Variants in PHF8 observed in about 807,000 individuals in gnomAD.
The protein encoded by PHF8 is histone lysine demethylase PHF8.
PHF8 carries 9 observed loss-of-function variants against 74.4 expected under a neutral mutation model. That is an observed-to-expected ratio of 0.12 (90% CI 0.07 to 0.21). The LOEUF (loss-of-function observed/expected upper bound fraction) is 0.21. Among genes scored for constraint, PHF8 ranks in the 10% least tolerant of loss-of-function variants. The probability of loss-of-function intolerance (pLI) is 1.00; values close to 1 mark genes in which losing one functional copy is unlikely to be tolerated. For missense variants in PHF8, 478 were observed against 816.6 expected, an observed-to-expected ratio of 0.59 and a Z score of 5.05; for synonymous variants, 311 against 316.6, an observed-to-expected ratio of 0.98 and a Z score of 0.19.
chrX:54,031,546 T>C (rs868909296), intron 2 of PHF8, among the ~76,000 whole-genome samples: 1 of 106,858 alleles, frequency 9.4e-6, no homozygotes, highest in Non-Finnish European at 1.9e-5. Context: ...AATAACTTCA[T>C]ATGCACTGAC....
chrX:54,038,312 T>C (rs1221715646), intron 2 of PHF8, among the ~76,000 whole-genome samples: 1 of 112,468 alleles, frequency 8.9e-6, no homozygotes, highest in Non-Finnish European at 1.9e-5. Context: ...AGAATGTTCA[T>C]TCCAATTTTT....
intron 20 of PHF8, chrX:53,943,437 G>C: frequency 9.5e-7 from 1 of 1,056,052 alleles, no homozygotes; most frequent in Non-Finnish European, 1.2e-6. Context: ...TGTTGAACAG[G>C]GCTATTGGGC....
chrX:53,993,108 A>T, intron 13 of PHF8: 1 of 372,851 alleles, frequency 2.7e-6, no homozygotes, highest in East Asian at 4.9e-5. Flanking sequence ...AGAGAATCAC[A>T]ATCTTGAGGC....
At chrX:54,018,813 T>G (rs1461956032) in intron 4 of PHF8, among the ~76,000 whole-genome samples, 1 of 110,526 alleles carries the variant, frequency 9.0e-6, no homozygotes, top group Non-Finnish European at 1.9e-5. Flanking sequence ...AGATAGGGGA[T>G]TTCTACATGT....
At chrX:54,011,717 C>T (rs2065983876) in intron 7 of PHF8, among the ~76,000 whole-genome samples, 4 of 111,017 alleles carry the variant, frequency 3.6e-5, no homozygotes, top group Admixed American at 9.7e-5. Flanking sequence ...CCTTCCCACA[C>T]CTGCAATCAA....
At chrX:53,967,166 G>A (rs1291666618) in intron 18 of PHF8, among the ~76,000 whole-genome samples, 2 of 109,122 alleles carry the variant, frequency 1.8e-5, no homozygotes, top group Non-Finnish European at 3.9e-5. Flanking sequence ...CGCCCGGCCA[G>A]CCGCCCCGTC....
chrX:54,027,851 G>A (rs1296897301), intron 2 of PHF8, among the ~76,000 whole-genome samples: 2 of 110,818 alleles, frequency 1.8e-5, no homozygotes, highest in African/African-American at 6.6e-5. Context: ...TGGGGAGGCA[G>A]ACAAGAAACA....
upstream of PHF8, among the ~76,000 whole-genome samples, chrX:54,048,251 G>T (rs1225671469): frequency 1.8e-5 from 2 of 110,795 alleles, no homozygotes; most frequent in East Asian, 5.7e-4. Flanking sequence ...TGGGCTACAG[G>T]TGGGGGTCAG....
chrX:54,012,908 C>G (rs1182591089), intron 7 of PHF8, among the ~76,000 whole-genome samples: 1 of 103,993 alleles, frequency 9.6e-6, no homozygotes, highest in Non-Finnish European at 2.0e-5. Flanking sequence ...CCACTGCACT[C>G]CAGCCTGGGT....
At chrX:53,953,199 G>A (rs1170297198) in intron 19 of PHF8, among the ~76,000 whole-genome samples, 12 of 106,173 alleles carry the variant, frequency 1.1e-4, no homozygotes, top group Non-Finnish European at 1.9e-4. Context: ...GCTTGAACCC[G>A]GGAGGTGGAG....
In PHF8 at chrX:53,995,742, C is replaced by T. The variant is rs782618134; in HGVS notation, c.1274G>A (p.Arg425Gln). 13 of 1,201,062 alleles carry T rather than the reference C, an allele frequency of 1.1e-5. No individual in the cohort carries two copies. In the South Asian group the frequency reaches 1.6e-4, roughly 15 times the overall value. ...CAGATCTTTAATGAGCTGTACGGTT[C>T]GCACTGTCTCCGGGATCTCATCCTC... Reference protein sequence around the residue: ...DHEDEIPETVRTVQLIKDLAR... With the variant: ...DHEDEIPETVQTVQLIKDLAR... The change falls in exon 12 of 22, where the codon CGA becomes CAA. Residue 425 changes from arginine to glutamine, a missense_variant. Physicochemically the swap from Arg to Gln is conservative, Grantham distance 43. Transcript: ENST00000338154.
chrX:53,971,363 A>T (rs2065287828), intron 18 of PHF8, among the ~76,000 whole-genome samples: 3 of 111,532 alleles, frequency 2.7e-5, no homozygotes, highest in African/African-American at 9.8e-5. Context: ...TTATAGCACT[A>T]AATGCCCACA....
chrX:54,020,059 G>A (rs183072366), intron 4 of PHF8, among the ~76,000 whole-genome samples: 2 of 109,567 alleles, frequency 1.8e-5, no homozygotes, highest in African/African-American at 6.6e-5. Context: ...GGTGGCAGGC[G>A]CCAGTAATCC....
chrX:53,941,386 C>T (rs189481526), intron 20 of PHF8, among the ~76,000 whole-genome samples: 3 of 112,046 alleles, frequency 2.7e-5, no homozygotes, highest in Middle Eastern at 4.7e-3. Flanking sequence ...TCCTCCAGGT[C>T]ACTGGGTCTA....
At chrX:53,979,786 TA>T (rs2149820025) in intron 18 of PHF8, among the ~76,000 whole-genome samples, 1 of 111,714 alleles carries the variant, frequency 9.0e-6, no homozygotes, top group South Asian at 3.7e-4. Flanking sequence ...TCTTTTAAAG[TA>T]AAGCTAGCCT....
At chrX:53,950,663 C>T (rs2064908971) in intron 19 of PHF8, among the ~76,000 whole-genome samples, 1 of 112,152 alleles carries the variant, frequency 8.9e-6, no homozygotes, top group African/African-American at 3.2e-5. Flanking sequence ...AAATCTGTGT[C>T]CAATCATGAG....
chrX:53,976,729 G>GA (rs1164621912), intron 18 of PHF8, among the ~76,000 whole-genome samples: 29 of 101,387 alleles, frequency 2.9e-4, no homozygotes, highest in African/African-American at 9.3e-4. Context: ...AATGGCAAAG[G>GA]AAAAAAAAAA....
Position 54,005,156 on chromosome X carries a change from G to A in PHF8, c.947-2474C>T, listed in dbSNP as rs1426455088. Among the ~76,000 whole-genome samples, 19 of 110,610 alleles carry A rather than the reference G, an allele frequency of 1.7e-4. No homozygotes were observed. The Admixed American group carries it at 1.8e-3, about 10-fold the overall frequency. On this transcript the variant is annotated intron_variant, in intron 8 of 21. Coordinates refer to ENST00000338154, the MANE Select transcript of PHF8 (RefSeq NM_015107.3). ...AGATCCAGCAGAAGTTAGAGCATGAGTCTAAAAAAGTATTTCAAGAAATAA... is the reference window on the plus strand; with the variant it reads ...AGATCCAGCAGAAGTTAGAGCATGAATCTAAAAAAGTATTTCAAGAAATAA...
At chrX:53,996,713 A>G (rs149470688) in intron 11 of PHF8, among the ~76,000 whole-genome samples, 3,231 of 108,542 alleles carry the variant, frequency 0.03, 124 homozygotes, top group African/African-American at 0.1. Context: ...CGCCCGGCTA[A>G]TTTTTGTAAT....
Sources: allele counts gnomAD v4.1 joint callset (sites outside exome capture counted in the v4.1 genomes callset), GRCh38; gene constraint gnomAD v4.1.1; transcripts MANE v1.5; gene names NCBI Gene and HGNC (gene_info 2026-07-23, HGNC 2026-07-21).